GALNT8: variants seen among roughly 807,000 people sequenced by gnomAD.
GALNT8 encodes the protein probable polypeptide N-acetylgalactosaminyltransferase 8.
In GALNT8, 66 loss-of-function variants were observed where a neutral mutation model predicts 62.7. That is an observed-to-expected ratio of 1.05 (90% CI 0.86 to 1.29). The LOEUF is 1.29. GALNT8 is among the 50% of genes most tolerant of loss of function. The pLI is 0.00. For missense variants in GALNT8, 771 were observed against 791.8 expected, an observed-to-expected ratio of 0.97 and a Z score of 0.32; for synonymous variants, 288 against 294.3, an observed-to-expected ratio of 0.98 and a Z score of 0.22.
At chr12:4,763,808 C>A in intron 8 of GALNT8, 144 bp from the exon 9 acceptor site, 1 of 638,720 alleles carries the variant, frequency 1.6e-6, no homozygotes, top group Non-Finnish European at 2.9e-6. Context: ...TAGAAAATGC[C>A]TGCCGGGATC....
chr12:4,766,192 A>C (rs1244882863), intron 10 of GALNT8, among the ~76,000 whole-genome samples: 2 of 151,896 alleles, frequency 1.3e-5, no homozygotes, highest in Non-Finnish European at 2.9e-5. Flanking sequence ...AACTGGTAAG[A>C]AACACTGAGT....
chr12:4,720,847 T>G lies in GALNT8; in HGVS notation c.170T>G (p.Ile57Arg), dbSNP rs1946163997. ...LHLNKRYGAVIKRLSHLEVEL... is the reference protein window; with the variant it reads ...LHLNKRYGAVRKRLSHLEVEL... ...CTGAATAAACGCTACGGGGCAGTGA[T>G]AAAGAGACTCTCCCACTTGGAGGTG... The change falls in exon 1 of 11, where the codon ATA (isoleucine) becomes AGA (arginine). Residue 57 changes from isoleucine to arginine, a missense_variant. Physicochemically the swap from Ile to Arg is moderately conservative, Grantham distance 97 (BLOSUM62 -3). Coordinates refer to ENST00000252318, the MANE Select transcript of GALNT8 (RefSeq NM_017417.2). 6.2e-7 allele frequency: 1 copy of G among 1,609,784 alleles called. No homozygotes were observed.
Position 4,766,160 on chromosome 12 carries a change from A to G in GALNT8, c.1761+614A>G, listed in dbSNP as rs181110250. ...AGAATTACTTCTTGTGGCCCCGTGT[A>G]GGGAAAATATTGGAAACAGGGAACT... On this transcript the variant is annotated intron_variant, in intron 10 of 10. Transcript: ENST00000252318. 1.5e-3 allele frequency among the ~76,000 whole-genome samples: 233 copies of G among 152,340 alleles called. 3 individuals are homozygous for G. Among genetic ancestry groups the G allele is most frequent in the Middle Eastern group, 6.8e-3 (2 of 294 alleles).
At chr12:4,722,946 A>G (rs1385850526) in intron 1 of GALNT8, among the ~76,000 whole-genome samples, 1 of 152,022 alleles carries the variant, frequency 6.6e-6, no homozygotes, top group Non-Finnish European at 1.5e-5. Flanking sequence ...GAGTCCAGGG[A>G]GAGAGAGTGA....
chr12:4,735,402 GC>G (rs11368133), intron 2 of GALNT8, among the ~76,000 whole-genome samples: 29,905 of 151,976 alleles, frequency 0.2, 3,355 homozygotes, highest in South Asian at 0.45. Context: ...AAGGTTATCT[GC>G]TCTGGTGGCT....
intron 3 of GALNT8, among the ~76,000 whole-genome samples, chr12:4,741,579 GA>G (rs34410344): frequency 2.3e-4 from 34 of 145,780 alleles, no homozygotes; most frequent in Middle Eastern, 7.0e-3. Flanking sequence ...TTTTTCTGTG[GA>G]AAAAAAAAAA....
At chr12:4,734,966 G>C (rs1386126339) in intron 2 of GALNT8, among the ~76,000 whole-genome samples, 2 of 152,220 alleles carry the variant, frequency 1.3e-5, no homozygotes, top group African/African-American at 4.8e-5. Context: ...GATGGTGAAC[G>C]GGTGAACAGT....
chr12:4,743,211 G>A (rs1324489176), intron 3 of GALNT8, among the ~76,000 whole-genome samples: 1 of 152,292 alleles, frequency 6.6e-6, no homozygotes, highest in East Asian at 1.9e-4. Flanking sequence ...ACAGGATGAT[G>A]TAGTGACTGA....
At position 4,749,190 on chromosome 12, in the gene GALNT8, C is replaced by G. The variant is rs767707356; in HGVS notation, c.1173+2932C>G. Among the ~76,000 whole-genome samples the G allele has an allele frequency of 2.0e-5, 3 of 152,110 alleles. No homozygotes were observed. The highest frequency in any genetic ancestry group is 2.9e-5 in the Non-Finnish European group (2 of 68,010). The stretch of plus-strand genomic sequence containing the variant: ...AACTTCATCCATTCCAACTTGGATG[C>G]CTTTATTTATTTCTCTTGTCTAATT... On this transcript the variant is annotated intron_variant, in intron 6 of 10. Coordinates refer to ENST00000252318, the MANE Select transcript of GALNT8 (RefSeq NM_017417.2). The surrounding 1 kb of genome is among the most constrained non-coding windows in gnomAD (Gnocchi z 4.1).
intron 3 of GALNT8, among the ~76,000 whole-genome samples, chr12:4,742,072 C>G (rs1196321331): frequency 6.6e-6 from 1 of 152,224 alleles, no homozygotes; most frequent in Non-Finnish European, 1.5e-5. Flanking sequence ...TCAGTTTCTG[C>G]ATCTGTAACA....
At chr12:4,742,581 C>T (rs1032531999) in intron 3 of GALNT8, among the ~76,000 whole-genome samples, 1 of 152,036 alleles carries the variant, frequency 6.6e-6, no homozygotes, top group Non-Finnish European at 1.5e-5. Context: ...CCGAGTGAAC[C>T]GTCAGTGAGC....
chr12:4,763,531 TCA>T, intron 8 of GALNT8, 141 bp downstream of exon 8: 1 of 689,578 alleles, frequency 1.5e-6, no homozygotes, highest in South Asian at 1.8e-5. Flanking sequence ...CTCAACCCTC[TCA>T]GTTTCCTTTT....
chr12:4,772,114 G>A (rs763341746), intron 10 of GALNT8, among the ~76,000 whole-genome samples: 2 of 152,190 alleles, frequency 1.3e-5, no homozygotes, highest in Non-Finnish European at 1.5e-5. Context: ...GTGGAGAGGA[G>A]GGCCAAGTTG....
intron 8 of GALNT8, among the ~76,000 whole-genome samples, chr12:4,763,631 G>A (rs779772769): frequency 2.8e-4 from 24 of 85,544 alleles, no homozygotes; most frequent in Non-Finnish European, 4.4e-4. Flanking sequence ...ACTCCCCCCC[G>A]CCCCGCCCCC....
At chr12:4,760,256 T>G (rs1230833098) in intron 6 of GALNT8, among the ~76,000 whole-genome samples, 1 of 152,222 alleles carries the variant, frequency 6.6e-6, no homozygotes, top group Non-Finnish European at 1.5e-5. Flanking sequence ...TCTTCCAGGC[T>G]GAGGAAGCAT....
At chr12:4,740,918 G>A (rs550830634) in intron 3 of GALNT8, among the ~76,000 whole-genome samples, 5 of 152,246 alleles carry the variant, frequency 3.3e-5, no homozygotes, top group African/African-American at 4.8e-5. Flanking sequence ...CTGTGTTCCC[G>A]TTATAATACA....
At chr12:4,737,553 T>A (rs1946251188) in intron 2 of GALNT8, among the ~76,000 whole-genome samples, 1 of 152,204 alleles carries the variant, frequency 6.6e-6, no homozygotes, top group African/African-American at 2.4e-5. Flanking sequence ...AAGGTCTGCC[T>A]GAAAGAGAAA....
chr12:4,768,115 T>A (rs906478346), intron 10 of GALNT8, among the ~76,000 whole-genome samples: 2 of 152,242 alleles, frequency 1.3e-5, no homozygotes, highest in South Asian at 4.1e-4. Context: ...TTAAGTTCTC[T>A]TAAATGTTTC....
intron 2 of GALNT8, among the ~76,000 whole-genome samples, chr12:4,729,855 G>A (rs1009045681): frequency 6.6e-6 from 1 of 151,998 alleles, no homozygotes; most frequent in Non-Finnish European, 1.5e-5. Context: ...ACTGTGCAAT[G>A]GTTCTATTTT....
Sources: allele counts gnomAD v4.1 joint callset (sites outside exome capture counted in the v4.1 genomes callset), GRCh38; gene constraint gnomAD v4.1.1; non-coding constraint Gnocchi (gnomAD v3.1); transcripts MANE v1.5; gene names NCBI Gene and HGNC (gene_info 2026-07-23, HGNC 2026-07-21).